PC: variants seen among roughly 807,000 people sequenced by gnomAD.
PC encodes pyruvate carboxylase.
In PC, 46 loss-of-function variants were observed where a neutral mutation model predicts 107.8. The observed-to-expected ratio is 0.43, with a 90% confidence interval of 0.34 to 0.55. The LOEUF (loss-of-function observed/expected upper bound fraction) is 0.55, where lower values mean the gene tolerates loss of function less well. Ranked by LOEUF, PC falls within the 20% of genes least tolerant of loss-of-function variation. The pLI is 0.04. For missense variants in PC, 1,241 were observed against 1,643.1 expected, an observed-to-expected ratio of 0.76 and a Z score of 4.23; for synonymous variants, 662 against 684.7, an observed-to-expected ratio of 0.97 and a Z score of 0.52.
intron 3 of PC, among the ~76,000 whole-genome samples, chr11:66,883,931 T>TAA (rs200991273): frequency 6.7e-6 from 1 of 148,634 alleles, no homozygotes; most frequent in Admixed American, 6.7e-5. Context: ...GCCAAAAAAT[T>TAA]AAAAAAAAAA....
Position 66,852,016 on chromosome 11 carries a change from C to G in PC, c.1826-70G>C. 6.6e-7 allele frequency: 1 copy of G among 1,510,654 alleles called. No homozygotes were observed. Among genetic ancestry groups the G allele is most frequent in the East Asian group, 2.3e-5 (1 of 42,790 alleles). 93.6% of individuals were successfully genotyped at this position (1,510,654 alleles called of 1,614,324 possible). A position where few individuals can be genotyped will look rare whatever the true frequency, so the allele number is the denominator to read the frequency against. ...GAACTCCACCAGGCCTTGGAGCTAGCTCTGCAGCACAAGCCTCTGGCCCCA... is the reference window on the plus strand; with the variant it reads ...GAACTCCACCAGGCCTTGGAGCTAGGTCTGCAGCACAAGCCTCTGGCCCCA... On this transcript the variant is annotated intron_variant, in intron 15 of 22. Coordinates refer to ENST00000393960, the MANE Select transcript of PC (RefSeq NM_001040716.2). This position sits in a 1 kb window ranked among gnomAD's most constrained non-coding sequence, Gnocchi z 4.7.
intron 3 of PC, among the ~76,000 whole-genome samples, chr11:66,926,166 T>G (rs766335432): frequency 5.3e-5 from 8 of 152,258 alleles, no homozygotes; most frequent in Non-Finnish European, 1.0e-4. Flanking sequence ...TAGCAGATAT[T>G]ACCCTTGTGA....
At chr11:66,879,501 GA>G (rs2135976185) in intron 3 of PC, among the ~76,000 whole-genome samples, 1 of 152,334 alleles carries the variant, frequency 6.6e-6, no homozygotes, top group African/African-American at 2.4e-5. Flanking sequence ...GTGCACAGAG[GA>G]GGGTGTCTGA....
At chr11:66,949,896 G>A (rs1489134341) in intron 3 of PC, among the ~76,000 whole-genome samples, 2 of 152,066 alleles carry the variant, frequency 1.3e-5, no homozygotes, top group East Asian at 1.9e-4. Flanking sequence ...CCAGGGGTAG[G>A]AGTGGGTGTG....
chr11:66,942,535 C>T (rs1949165733), intron 3 of PC, among the ~76,000 whole-genome samples: 1 of 152,044 alleles, frequency 6.6e-6, no homozygotes, highest in African/African-American at 2.4e-5. Flanking sequence ...CTAGAGCAGT[C>T]CAATTCAGAG....
chr11:66,921,021 G>A (rs1355715433), intron 3 of PC, among the ~76,000 whole-genome samples: 2 of 148,088 alleles, frequency 1.4e-5, no homozygotes, highest in Non-Finnish European at 3.0e-5. Flanking sequence ...GCGAGACTCC[G>A]TCTCAAAAAA....
In PC at chr11:66,848,675, C is replaced by T; in HGVS notation, c.*224G>A. ...TGTAGTCTCCAGTGAGGAGGGGACC[C>T]TTATTTGGCAAGAGATGAACATGTA... is the stretch of plus-strand genomic sequence containing the variant. On this transcript the variant is annotated 3_prime_UTR_variant, in exon 23 of 23. Transcript: ENST00000393960. The T allele has an allele frequency of 3.1e-6, 2 of 635,478 alleles. No individual in the cohort carries two copies. Among genetic ancestry groups the T allele is most frequent in the South Asian group, 3.7e-5 (2 of 53,740 alleles). 39.4% of individuals were successfully genotyped at this position (635,478 alleles called of 1,614,324 possible).
intron 3 of PC, among the ~76,000 whole-genome samples, chr11:66,924,858 G>A (rs1433754646): frequency 6.6e-6 from 1 of 152,182 alleles, no homozygotes; most frequent in African/African-American, 2.4e-5. Flanking sequence ...GCCCCTGATA[G>A]TCAGGTAGGT....
At chr11:66,926,303 A>G (rs1328840957) in intron 3 of PC, among the ~76,000 whole-genome samples, 2 of 152,356 alleles carry the variant, frequency 1.3e-5, no homozygotes, top group South Asian at 2.1e-4. Context: ...AACAGAAAGT[A>G]ATTATCTACA....
rs1945380233 is a variant in PC, at chr11:66,850,035, G to C, written c.2800C>G (p.Gln934Glu). 6.2e-7 allele frequency: 1 copy of C among 1,613,584 alleles called. No individual in the cohort carries two copies. Among genetic ancestry groups the C allele is most frequent in the Admixed American group, 1.7e-5 (1 of 60,014 alleles). ...CGGGGAAAGGACAGCTCTTCCGCCT[G>C]AGCTTCGGCCTCTGCCCGGCTCAAT... Reference protein sequence around the residue: ...NGLSRAEAEAQAEELSFPRSV... With the variant: ...NGLSRAEAEAEAEELSFPRSV... Residue 934 changes from glutamine (Q) to glutamate (E), a missense_variant, in exon 20 of 23, where the codon CAG becomes GAG. Physicochemically the swap from Gln to Glu is conservative, Grantham distance 29. Around this residue, in one of 2 missense-constraint regions of PC, gnomAD observed 1,143 missense variants for 1,551.9 expected, o/e 0.74. Transcript: ENST00000393960.
chr11:66,860,106 C>A (rs780105459), intron 12 of PC: 1 of 1,551,406 alleles, frequency 6.4e-7, no homozygotes, highest in African/African-American at 1.4e-5. Context: ...TTGGGCCCGA[C>A]GGAGCCACTC....
chr11:66,869,645 C>T (rs1193689833), intron 9 of PC, among the ~76,000 whole-genome samples: 1 of 152,190 alleles, frequency 6.6e-6, no homozygotes, highest in Non-Finnish European at 1.5e-5. Context: ...GCAGAGTGCA[C>T]ACCCCGGCCT....
At chr11:66,909,842 T>G (rs1591269741) in intron 3 of PC, among the ~76,000 whole-genome samples, 1 of 150,808 alleles carries the variant, frequency 6.6e-6, no homozygotes, top group East Asian at 2.0e-4. Flanking sequence ...GGGAAGAGAG[T>G]GGTGTGGCCA....
chr11:66,870,243 G>A lies in PC; in HGVS notation c.903+59C>T. 6.2e-7 allele frequency: 1 copy of A among 1,600,758 alleles called. No homozygotes were observed. Among genetic ancestry groups the A allele is most frequent in the Non-Finnish European group, 8.5e-7 (1 of 1,173,762 alleles). On this transcript the variant is annotated intron_variant, in intron 9 of 22. Transcript: ENST00000393960. The surrounding 1 kb of genome is among the most constrained non-coding windows in gnomAD (Gnocchi z 6.1). Reference sequence around the variant, plus strand: ...CCTTCCCCAACCAGCGCCCCACTGTGAGGCCTGCCGGCCTGTGAGCACAGG... The same window carrying A: ...CCTTCCCCAACCAGCGCCCCACTGTAAGGCCTGCCGGCCTGTGAGCACAGG...
chr11:66,905,608 T>C (rs10160758), intron 3 of PC, among the ~76,000 whole-genome samples: 37,030 of 152,146 alleles, frequency 0.24, 4,591 homozygotes, highest in Middle Eastern at 0.33. Flanking sequence ...ATGCTACAAA[T>C]TAATAATCCT....
intron 3 of PC, among the ~76,000 whole-genome samples, chr11:66,912,705 C>G (rs929792204): frequency 6.6e-6 from 1 of 152,178 alleles, no homozygotes; most frequent in Non-Finnish European, 1.5e-5. Context: ...CCTGCTTCCC[C>G]ACTAGAGTGG....
chr11:66,938,061 C>T (rs545087654), intron 3 of PC, among the ~76,000 whole-genome samples: 25 of 152,184 alleles, frequency 1.6e-4, no homozygotes, highest in Non-Finnish European at 2.9e-4. Context: ...ACTCTTCTCA[C>T]ATTTTCCTTA....
intron 3 of PC, among the ~76,000 whole-genome samples, chr11:66,883,280 G>A (rs1009919110): frequency 6.6e-6 from 1 of 152,204 alleles, no homozygotes; most frequent in Admixed American, 6.5e-5. Context: ...CTGCAGTGAG[G>A]TGGCTGCTCC....
chr11:66,859,188 G>A (rs1591153133), intron 12 of PC: 12 of 1,391,108 alleles, frequency 8.6e-6, no homozygotes, highest in Non-Finnish European at 1.0e-5. Flanking sequence ...TCCTCTCTCT[G>A]GGGCTGACAC....
Sources: gnomAD v4.1 joint callset for allele counts (sites outside exome capture counted in the v4.1 genomes callset) on GRCh38, gnomAD v4.1.1 for gene constraint, gnomAD v4.1.1 regional missense constraint, Gnocchi (gnomAD v3.1) non-coding constraint, MANE v1.5 for transcripts, NCBI Gene and HGNC (gene_info 2026-07-23, HGNC 2026-07-21) for gene names.